BRCA2: variants seen among roughly 807,000 people sequenced by gnomAD.
The protein encoded by BRCA2 is BRCA2 DNA repair associated.
BRCA2 carries 203 observed loss-of-function variants against 276.7 expected under a neutral mutation model. The observed-to-expected ratio is 0.73, with a 90% CI of 0.65 to 0.82. BRCA2 has a LOEUF of 0.82. BRCA2 is among the 40% of genes least tolerant of loss of function. BRCA2 has a pLI of 0.00. For synonymous variants in BRCA2, 1,289 were observed against 1,338.4 expected, an observed-to-expected ratio of 0.96 and a Z score of 0.81; for missense variants, 3,920 against 3,915.0, an observed-to-expected ratio of 1.00 and a Z score of -0.03.
At chr13:32,384,658 C>G (rs1178538248) in intron 24 of BRCA2, 1 of 225,968 alleles carries the variant, frequency 4.4e-6, no homozygotes, top group East Asian at 1.1e-4. Context: ...TTCACAGCAA[C>G]CATGAGTAAA....
rs2137561265 is a variant in BRCA2 at position 32,356,341 on chromosome 13, A to G, written c.7436-87A>G. ...CGCCTCAGCCTCCCAAAGTGCTGGG[A>G]TTACAGGCGTGAGCCACTGTGCCTG... On this transcript the variant is annotated intron_variant, in intron 14 of 26. Transcript: ENST00000380152. 6 of 1,359,734 alleles carry G rather than the reference A, an allele frequency of 4.4e-6. No homozygotes were observed. In the South Asian group the frequency reaches 4.8e-5, roughly 11 times the overall value. 84.2% of individuals were successfully genotyped at this position (1,359,734 alleles called of 1,614,324 possible).
At chr13:32,322,863 A>G (rs1325658418) in intron 3 of BRCA2, among the ~76,000 whole-genome samples, 1 of 152,264 alleles carries the variant, frequency 6.6e-6, no homozygotes, top group Admixed American at 6.5e-5. Context: ...GGCAATTATG[A>G]ATAAAGCTGG....
Position 32,326,325 on chromosome 13 carries a change from G to A in BRCA2, c.516+43G>A, listed in dbSNP as rs755939798. The A allele has an allele frequency of 2.7e-5, 43 of 1,585,204 alleles. No individual in the cohort carries two copies. The highest frequency in any genetic ancestry group is 3.7e-5 in the Non-Finnish European group (43 of 1,154,916). On this transcript the variant is annotated intron_variant, in intron 6 of 26. Coordinates refer to ENST00000380152, the MANE Select transcript of BRCA2 (RefSeq NM_000059.4). ...TTTATTTTTATGACTTAGTAATTGA[G>A]AATTTGACAATAGCGTTATACCTTT...
intron 21 of BRCA2, among the ~76,000 whole-genome samples, 156 bp downstream of exon 21, chr13:32,376,947 C>T (rs1031182754): frequency 5.3e-5 from 8 of 152,084 alleles, no homozygotes; most frequent in East Asian, 1.9e-4. Context: ...ATGTGCCAGA[C>T]GAGTGTGGTG....
Position 32,398,640 on chromosome 13 carries a change from C to G in BRCA2, c.10127C>G (p.Ser3376Ter), listed in dbSNP as rs1555290049. Reference protein sequence around the residue: ...SESTRTAPTSSEDYLRLKRRC... With the variant: ...SESTRTAPTS ...TCCACTAGGACTGCTCCCACCAGTT[C>G]AGAAGATTATCTCAGACTGAAACGA... The change falls in exon 27 of 27, where the codon TCA becomes TGA. Residue 3376 changes from serine (S) to a stop codon, truncating the protein, a stop_gained. Coordinates refer to ENST00000380152, the MANE Select transcript of BRCA2 (RefSeq NM_000059.4). LOFTEE classifies it low-confidence loss of function (END_TRUNC). The G allele has an allele frequency of 6.2e-7, 1 of 1,614,152 alleles. No individual in the cohort carries two copies. The highest frequency in any genetic ancestry group is 1.3e-5 in the African/African-American group (1 of 75,032).
rs80359596 is a variant in BRCA2, at chr13:32,340,816, A to ATC, written c.6468_6469dup (p.Gln2157LeufsTer12). On this transcript the variant is annotated frameshift_variant, in exon 11 of 27. Coordinates refer to ENST00000380152, the MANE Select transcript of BRCA2 (RefSeq NM_000059.4). LOFTEE classifies it high-confidence loss of function. ...AATCACTCTATTAAAGTTTCTCCAT[A>ATC]TCTCTCTCAATTTCAACAAGACAAA... The ATC allele has an allele frequency of 6.3e-7, 1 of 1,589,774 alleles. No homozygotes were observed. The highest frequency in any genetic ancestry group is 1.2e-5 in the South Asian group (1 of 85,982).
At chr13:32,386,839 T>A (rs2072964280) in intron 24 of BRCA2, among the ~76,000 whole-genome samples, 1 of 152,218 alleles carries the variant, frequency 6.6e-6, no homozygotes, top group Admixed American at 6.5e-5. Flanking sequence ...CGTGTATTTA[T>A]TTGCTATAAC....
intron 3 of BRCA2, among the ~76,000 whole-genome samples, chr13:32,321,333 G>A (rs1322510079): frequency 2.0e-5 from 3 of 152,126 alleles, no homozygotes; most frequent in African/African-American, 7.2e-5. Flanking sequence ...TCGTAAGCAC[G>A]TCTTGTAAGC....
chr13:32,339,938 A>G lies in BRCA2; in HGVS notation c.5583A>G (p.Lys1861=), dbSNP rs749036329. Residue 1861 remains lysine, a synonymous_variant, in exon 11 of 27, where the codon AAA becomes AAG. Coordinates refer to ENST00000380152, the MANE Select transcript of BRCA2 (RefSeq NM_000059.4). ...IVCVSHETIK[K]VKDIFTDSFS... is the part of the protein sequence containing the mutation. ...GTGTTTCACATGAAACAATTAAAAA[A>G]GTGAAAGACATATTTACAGACAGTT... The G allele has an allele frequency of 7.5e-6, 12 of 1,606,338 alleles. No individual in the cohort carries two copies. The highest frequency in any genetic ancestry group is 6.8e-6 in the Non-Finnish European group (8 of 1,176,190).
chr13:32,368,001 C>CTTTTTTTTTTTTTTT lies in BRCA2; in HGVS notation c.8332-2379_8332-2365dup, dbSNP rs71071031. ...ATTAGGGTTGTCTTTTCTTCTAATTCTTTTTTTTTTTTTTTTTTTTTTTTT... is the reference window on the plus strand; with the variant it reads ...ATTAGGGTTGTCTTTTCTTCTAATTCTTTTTTTTTTTTTTTTTTTTTTTTTTTTTTTTTTTTTTTT... On this transcript the variant is annotated intron_variant, in intron 18 of 26. Transcript: ENST00000380152. 9.8e-5 allele frequency among the ~76,000 whole-genome samples: 5 copies of CTTTTTTTTTTTTTTT among 50,768 alleles called. 1 individual carries two copies. The highest frequency in any genetic ancestry group is 1.9e-3 in the South Asian group (2 of 1,028). 33.3% of individuals were successfully genotyped at this position (50,768 alleles called of 152,430 possible).
Position 32,339,466 on chromosome 13 carries a change from GAATA to G in BRCA2, c.5116_5119del (p.Asn1706LeufsTer5), listed in dbSNP as rs276174853. On this transcript the variant is annotated frameshift_variant, in exon 11 of 27. Transcript: ENST00000380152. LOFTEE classifies it high-confidence loss of function. ...GGAATATTTGATGGTCAACCAGAAA[GAATA>G]AATACTGCAGATTATGTAGGAAATT... The G allele has an allele frequency of 1.3e-6, 2 of 1,586,836 alleles. No homozygotes were observed. The highest frequency in any genetic ancestry group is 1.7e-6 in the Non-Finnish European group (2 of 1,168,222).
chr13:32,370,352 A>G (rs2072817924), intron 18 of BRCA2, 50 bp from the exon 19 acceptor site: 1 of 1,526,198 alleles, frequency 6.6e-7, no homozygotes, highest in Admixed American at 1.7e-5. Flanking sequence ...CTGTAATAGA[A>G]TTGAATACAT....
At chr13:32,396,764 T>C (rs2073039161) in intron 25 of BRCA2, 134 bp from the exon 26 acceptor site, 7 of 1,093,506 alleles carry the variant, frequency 6.4e-6, no homozygotes, top group African/African-American at 1.6e-5. Flanking sequence ...TGTTTGACAA[T>C]TGGTATCACA....
rs81002867 is a variant in BRCA2, at chr13:32,394,942, A to G, written c.9501+9A>G. 6.2e-7 allele frequency: 1 copy of G among 1,613,894 alleles called. No individual in the cohort carries two copies. Among genetic ancestry groups the G allele is most frequent in the Non-Finnish European group, 8.5e-7 (1 of 1,179,908 alleles). On this transcript the variant is annotated intron_variant, in intron 25 of 26. Coordinates refer to ENST00000380152, the MANE Select transcript of BRCA2 (RefSeq NM_000059.4). ...TGAAAAATACTGTTGAGGTAAGGTT[A>G]CTTTTCAGCATCACCACACATTTTG...
At chr13:32,331,506 T>A (rs1430958934) in intron 9 of BRCA2, among the ~76,000 whole-genome samples, 1 of 152,156 alleles carries the variant, frequency 6.6e-6, no homozygotes, top group Non-Finnish European at 1.5e-5. Flanking sequence ...AAGGTTGCAG[T>A]GAGCTGTGTG....
chr13:32,370,879 C>CA, intron 19 of BRCA2, 77 bp from the exon 20 acceptor site: 1 of 1,565,376 alleles, frequency 6.4e-7, no homozygotes, highest in African/African-American at 1.4e-5. Context: ...AGATGTGAGC[C>CA]ACTGTGCCTG....
chr13:32,386,950 C>A (rs901439659), intron 24 of BRCA2, among the ~76,000 whole-genome samples: 18 of 152,222 alleles, frequency 1.2e-4, no homozygotes, highest in African/African-American at 4.1e-4. Context: ...TTAATTCCTT[C>A]TGAGGCTGTG....
In BRCA2 at chr13:32,337,203, G is replaced by T; in HGVS notation, c.2848G>T (p.Val950Phe). The T allele has an allele frequency of 6.2e-7, 1 of 1,613,576 alleles. No individual in the cohort carries two copies. Among genetic ancestry groups the T allele is most frequent in the East Asian group, 2.2e-5 (1 of 44,822 alleles). ...QVSIKKDLVY[V>F]LAEENKNSVK... is the part of the protein sequence containing the mutation. ...GTCAATTAAAAAAGATTTGGTTTAT[G>T]TTCTTGCAGAGGAGAACAAAAATAG... The change falls in exon 11 of 27, where the codon GTT (valine) becomes TTT (phenylalanine). Residue 950 changes from valine (V) to phenylalanine (F), a missense_variant. Val to Phe is a conservative substitution (Grantham distance 50). Coordinates refer to ENST00000380152, the MANE Select transcript of BRCA2 (RefSeq NM_000059.4).
At chr13:32,319,495 G>C (rs1192007584) in intron 3 of BRCA2, among the ~76,000 whole-genome samples, 170 bp downstream of exon 3, 1 of 152,140 alleles carries the variant, frequency 6.6e-6, no homozygotes, top group African/African-American at 2.4e-5. Context: ...TGTCTCATAG[G>C]TTTGGATTAA....
Sources: gnomAD v4.1 joint callset for allele counts (sites outside exome capture counted in the v4.1 genomes callset) on GRCh38, gnomAD v4.1.1 for gene constraint, MANE v1.5 for transcripts, NCBI Gene and HGNC (gene_info 2026-07-23, HGNC 2026-07-21) for gene names.